The following SRGAP3 variants were observed in gnomAD, a reference collection of about 807,000 sequenced individuals.
The protein encoded by SRGAP3 is SLIT-ROBO Rho GTPase activating protein 3.
Under a neutral mutation model 121.1 loss-of-function variants are expected in SRGAP3, and 39 were observed. The ratio of observed to expected loss-of-function variants is 0.32; its 90% CI spans 0.25 to 0.42. The LOEUF (loss-of-function observed/expected upper bound fraction) is 0.42. Ranked by LOEUF, SRGAP3 falls within the 10% of genes least tolerant of loss-of-function variation. The pLI is 1.00. For missense variants in SRGAP3, 1,213 were observed against 1,470.6 expected (o/e 0.82, Z 2.86); for synonymous variants, 601 against 570.0 (o/e 1.05, Z -0.77).
At chr3:8,996,703 C>G (rs546130089) in intron 18 of SRGAP3, among the ~76,000 whole-genome samples, 2 of 152,192 alleles carry the variant, frequency 1.3e-5, no homozygotes, top group African/African-American at 4.8e-5. Context: ...CACATCCGGC[C>G]GTGTGCTGGA....
In SRGAP3 at chr3:9,153,535, T is replaced by C. The variant is rs140687861; in HGVS notation, c.68-28618A>G. On this transcript the variant is annotated intron_variant, in intron 1 of 21. Coordinates refer to ENST00000383836, the MANE Select transcript of SRGAP3 (RefSeq NM_014850.4). The stretch of plus-strand genomic sequence containing the variant: ...CAATGCCAAAGAAAGAGTCAATGAT[T>C]TTGAGCTGGATGGGGGCCTGTATTC... Among the ~76,000 whole-genome samples, 1,479 of 152,252 alleles carry C rather than the reference T, an allele frequency of 9.7e-3. 10 individuals are homozygous for C. Among genetic ancestry groups the C allele is most frequent in the Middle Eastern group, 0.014 (4 of 294 alleles).
intron 1 of SRGAP3, chr3:9,235,998 T>G (rs1415613765): frequency 6.3e-6 from 1 of 158,842 alleles, no homozygotes; most frequent in Non-Finnish European, 1.4e-5. Flanking sequence ...ATCTTCAAGG[T>G]CAAAGACTTA....
chr3:9,256,946 T>C (rs1219710816), intron 3 of SRGAP3: 2 of 397,846 alleles, frequency 5.0e-6, no homozygotes, highest in Non-Finnish European at 8.9e-6. Context: ...GTTTAAACCC[T>C]GGCTCCACCA....
At chr3:9,223,587 C>T (rs1952889513) in intron 1 of SRGAP3, among the ~76,000 whole-genome samples, 1 of 152,222 alleles carries the variant, frequency 6.6e-6, no homozygotes, top group Non-Finnish European at 1.5e-5. Flanking sequence ...CTCAGTCCAA[C>T]TCCACCTGCA....
At chr3:9,151,609 C>T (rs941286350) in intron 1 of SRGAP3, among the ~76,000 whole-genome samples, 1 of 152,336 alleles carries the variant, frequency 6.6e-6, no homozygotes, top group Middle Eastern at 3.4e-3. Context: ...ATGTGAGGAA[C>T]ACACTCTAAA....
intron 1 of SRGAP3, among the ~76,000 whole-genome samples, chr3:9,194,745 C>T (rs573116127): frequency 1.1e-4 from 16 of 152,314 alleles, no homozygotes; most frequent in African/African-American, 3.4e-4. Flanking sequence ...GTTCTTTCCC[C>T]TCCAATAAAA....
chr3:9,132,951 A>G (rs1309898330), intron 1 of SRGAP3, among the ~76,000 whole-genome samples: 2 of 151,324 alleles, frequency 1.3e-5, no homozygotes, highest in Non-Finnish European at 2.9e-5. Flanking sequence ...CAAAACAACC[A>G]AACTACCATG....
At chr3:9,206,400 C>A (rs372756315) in intron 1 of SRGAP3, among the ~76,000 whole-genome samples, 15 of 152,308 alleles carry the variant, frequency 9.8e-5, no homozygotes, top group African/African-American at 3.6e-4. Flanking sequence ...CCCATGTTTT[C>A]AATATGGCTT....
At position 8,993,918 on chromosome 3, in the gene SRGAP3, A is replaced by T. The variant is rs182936486; in HGVS notation, c.2408+425T>A. ...TCATTAACCCCTGAAATTATTTTTT[A>T]AAAAATAGTACCCTATTAATCAGAA... On this transcript the variant is annotated intron_variant, in intron 19 of 21. Transcript: ENST00000383836. The T allele has an allele frequency of 3.4e-4, 63 of 187,476 alleles. No individual in the cohort carries two copies. In the East Asian group the frequency reaches 5.4e-3, roughly 16 times the overall value. The allele number at this position is 187,476 out of a possible 1,614,324, so 11.6% of individuals were successfully genotyped here.
chr3:9,197,898 C>T (rs191554719), intron 1 of SRGAP3, among the ~76,000 whole-genome samples: 1 of 152,204 alleles, frequency 6.6e-6, no homozygotes, highest in Non-Finnish European at 1.5e-5. Context: ...GAATATGAGC[C>T]TTTCCAAAAC....
At chr3:9,052,366 A>C (rs116314654) in intron 9 of SRGAP3, among the ~76,000 whole-genome samples, 198 of 152,300 alleles carry the variant, frequency 1.3e-3, no homozygotes, top group Middle Eastern at 3.4e-3. Context: ...CTGTCTGGGG[A>C]AAAAGGGAGA....
intron 18 of SRGAP3, among the ~76,000 whole-genome samples, chr3:9,001,569 A>G (rs967048182): frequency 5.9e-5 from 9 of 152,204 alleles, no homozygotes; most frequent in Non-Finnish European, 8.8e-5. Flanking sequence ...AATGGCAGAC[A>G]AAAATCCAAC....
At chr3:9,123,900 C>A (rs1221607221) in intron 2 of SRGAP3, among the ~76,000 whole-genome samples, 1 of 151,670 alleles carries the variant, frequency 6.6e-6, no homozygotes, top group Non-Finnish European at 1.5e-5. Flanking sequence ...GGGCCACCAG[C>A]TGGAGAGATG....
chr3:8,989,608 G>A (rs1941918100), intron 21 of SRGAP3, among the ~76,000 whole-genome samples: 1 of 152,098 alleles, frequency 6.6e-6, no homozygotes, highest in Non-Finnish European at 1.5e-5. Flanking sequence ...TAGGGAGAGG[G>A]TACATAATGG....
intron 3 of SRGAP3, among the ~76,000 whole-genome samples, chr3:9,085,210 C>A (rs2664086): frequency 0.44 from 66,898 of 152,058 alleles, 14,974 homozygotes; most frequent in African/African-American, 0.5. Context: ...TCAGAGGACA[C>A]AATGACACCA....
At chr3:9,045,371 G>GT (rs201028447) in intron 10 of SRGAP3, among the ~76,000 whole-genome samples, 3,003 of 151,272 alleles carry the variant, frequency 0.02, 80 homozygotes, top group East Asian at 0.11. Flanking sequence ...TTTCCGGGAG[G>GT]TTTTTTTTTA....
At chr3:9,148,784 G>A (rs1413067987) in intron 1 of SRGAP3, among the ~76,000 whole-genome samples, 1 of 152,182 alleles carries the variant, frequency 6.6e-6, no homozygotes, top group Non-Finnish European at 1.5e-5. Flanking sequence ...GCTTCTGGAA[G>A]AGCAATTCTG....
intron 9 of SRGAP3, among the ~76,000 whole-genome samples, chr3:9,048,193 A>G (rs1442677531): frequency 6.6e-6 from 1 of 152,222 alleles, no homozygotes; most frequent in Non-Finnish European, 1.5e-5. Flanking sequence ...AGGGACAGAG[A>G]ATAGGCCAGG....
intron 4 of SRGAP3, among the ~76,000 whole-genome samples, chr3:9,073,169 G>A (rs1266973777): frequency 6.6e-6 from 1 of 152,094 alleles, no homozygotes; most frequent in Admixed American, 6.6e-5. Flanking sequence ...TTTAAGACGG[G>A]GTCTTACTCT....
Sources: allele counts gnomAD v4.1 joint callset (sites outside exome capture counted in the v4.1 genomes callset), GRCh38; gene constraint gnomAD v4.1.1; transcripts MANE v1.5; gene names NCBI Gene and HGNC (gene_info 2026-07-23, HGNC 2026-07-21).